MYEF2: variants seen among roughly 807,000 people sequenced by gnomAD.
MYEF2 encodes myelin expression factor 2.
In MYEF2, 37 loss-of-function variants were observed where a neutral mutation model predicts 75.2. That is an observed-to-expected ratio of 0.49 (90% CI 0.38 to 0.65). The LOEUF is 0.65. Ranked by LOEUF, MYEF2 falls within the 30% of genes least tolerant of loss-of-function variation. The pLI is 0.00. For missense variants in MYEF2, 634 were observed against 771.4 expected (o/e 0.82, Z 2.11); for synonymous variants, 195 against 241.6 (o/e 0.81, Z 1.79).
intron 1 of MYEF2, chr15:48,169,708 T>C (rs1259933927): frequency 6.6e-6 from 1 of 151,830 alleles, no homozygotes; most frequent in Non-Finnish European, 1.5e-5. Flanking sequence ...AGCAATTCTC[T>C]GCCTTAGCCT....
chr15:48,160,158 C>T (rs1237526539), intron 5 of MYEF2, among the ~76,000 whole-genome samples: 2 of 152,102 alleles, frequency 1.3e-5, no homozygotes, highest in Non-Finnish European at 2.9e-5. Flanking sequence ...TAGGAATGGT[C>T]ATTTCTCACT....
rs751753818 is a variant in MYEF2, at chr15:48,178,104, T to TGCTGCG, written c.128_133dup (p.Pro43_Gln44dup). The TGCTGCG allele has an allele frequency of 1.3e-6, 2 of 1,597,106 alleles. No individual in the cohort carries two copies. Among genetic ancestry groups the TGCTGCG allele is most frequent in the East Asian group, 4.6e-5 (2 of 43,794 alleles). On this transcript the variant is annotated inframe_insertion, in exon 1 of 17. Transcript: ENST00000324324. ...TTTAACGCCATTGGAGCTGCTGCTG[T>TGCTGCG]GCTGCGGCTGCTGCTTCTCCGCCTC...
In MYEF2 at chr15:48,141,010, G is replaced by A; in HGVS notation, c.*1898C>T. 4.6e-6 allele frequency: 4 copies of A among 865,092 alleles called. No homozygotes were observed. Among genetic ancestry groups the A allele is most frequent in the South Asian group, 3.2e-5 (2 of 62,040 alleles). 53.6% of individuals were successfully genotyped at this position (865,092 alleles called of 1,614,324 possible). ...CACATATTGGCTCTGAATTCTAAATGTGCCTATTTTATTTTTGTTCACGAA... is the reference window on the plus strand; with the variant it reads ...CACATATTGGCTCTGAATTCTAAATATGCCTATTTTATTTTTGTTCACGAA... On this transcript the variant is annotated 3_prime_UTR_variant, in exon 17 of 17. Coordinates refer to ENST00000324324, the MANE Select transcript of MYEF2 (RefSeq NM_016132.5).
chr15:48,138,836 G>T lies in MYEF2; in HGVS notation c.*4072C>A. On this transcript the variant is annotated 3_prime_UTR_variant, in exon 17 of 17. Coordinates refer to ENST00000324324, the MANE Select transcript of MYEF2 (RefSeq NM_016132.5). ...TTTCACCAGCAATATCAGTAATGAG[G>T]TACTCAAATGTTTTAAACAGCCTTT... 1.6e-6 allele frequency: 1 copy of T among 644,254 alleles called. No individual in the cohort carries two copies. The highest frequency in any genetic ancestry group is 2.7e-5 in the East Asian group (1 of 36,518). The allele number at this position is 644,254 out of a possible 1,614,324, so 39.9% of individuals were successfully genotyped here. A position where few individuals can be genotyped will look rare whatever the true frequency, so the allele number is the denominator to read the frequency against.
chr15:48,177,800 A>C (rs2140957783), intron 1 of MYEF2, among the ~76,000 whole-genome samples: 1 of 152,294 alleles, frequency 6.6e-6, no homozygotes, highest in Non-Finnish European at 1.5e-5. Flanking sequence ...AAGTCAGGGA[A>C]GAGGGGTGTT....
At chr15:48,160,921 TAATA>T (rs1210147099) in intron 5 of MYEF2, among the ~76,000 whole-genome samples, 1 of 151,996 alleles carries the variant, frequency 6.6e-6, no homozygotes, top group Non-Finnish European at 1.5e-5. Flanking sequence ...ACATATAAGT[TAATA>T]AATAAATTCT....
chr15:48,142,370 G>A lies in MYEF2; in HGVS notation c.*538C>T, dbSNP rs1333507841. 6.8e-7 allele frequency: 1 copy of A among 1,475,892 alleles called. No individual in the cohort carries two copies. The highest frequency in any genetic ancestry group is 2.1e-5 in the Admixed American group (1 of 47,894). The allele number at this position is 1,475,892 out of a possible 1,614,324, so 91.4% of individuals were successfully genotyped here. A position where few individuals can be genotyped will look rare whatever the true frequency, so the allele number is the denominator to read the frequency against. On this transcript the variant is annotated 3_prime_UTR_variant, in exon 17 of 17. Transcript: ENST00000324324. The stretch of plus-strand genomic sequence containing the variant: ...AGGTTGATATTATTAATAGTGTTAT[G>A]CAGAAAATATGAATGGCAGGGAGGG...
intron 16 of MYEF2, among the ~76,000 whole-genome samples, chr15:48,147,933 C>T (rs1271945715): frequency 6.6e-6 from 1 of 151,918 alleles, no homozygotes; most frequent in Non-Finnish European, 1.5e-5. Flanking sequence ...AAACTCTTAC[C>T]ATATGTACAG....
chr15:48,156,559 G>A (rs952849484), intron 9 of MYEF2, among the ~76,000 whole-genome samples: 2 of 149,642 alleles, frequency 1.3e-5, no homozygotes, highest in Non-Finnish European at 3.0e-5. Flanking sequence ...AAACTTCCCA[G>A]AAACAACAGA....
At chr15:48,145,486 C>T (rs1164739973) in intron 16 of MYEF2, among the ~76,000 whole-genome samples, 1 of 151,736 alleles carries the variant, frequency 6.6e-6, no homozygotes, top group Non-Finnish European at 1.5e-5. Context: ...GGCAACAGCA[C>T]AGGACAAAAT....
intron 1 of MYEF2, among the ~76,000 whole-genome samples, chr15:48,175,252 A>C (rs745450622): frequency 6.6e-6 from 1 of 152,144 alleles, no homozygotes; most frequent in Non-Finnish European, 1.5e-5. Flanking sequence ...ACTTACACAC[A>C]GACTTTTAAA....
rs1255241713 is a variant in MYEF2 at position 48,136,833 on chromosome 15, GA to G, written c.*6074del. ...TGGAGAGAAGTGAACAACAGCCACTGATGGGCTGGGAAGATGAAGGTCAACC... is the reference window on the plus strand; with the variant it reads ...TGGAGAGAAGTGAACAACAGCCACTGTGGGCTGGGAAGATGAAGGTCAACC... On this transcript the variant is annotated 3_prime_UTR_variant, in exon 17 of 17. Transcript: ENST00000324324. 1 of 1,613,724 alleles carries G rather than the reference GA, an allele frequency of 6.2e-7. No individual in the cohort carries two copies. Among genetic ancestry groups the G allele is most frequent in the African/African-American group, 1.3e-5 (1 of 74,908 alleles).
At position 48,137,029 on chromosome 15, in the gene MYEF2, A is replaced by G. The variant is rs2038918827; in HGVS notation, c.*5879T>C. On this transcript the variant is annotated 3_prime_UTR_variant, in exon 17 of 17. Coordinates refer to ENST00000324324, the MANE Select transcript of MYEF2 (RefSeq NM_016132.5). ...AGGAAAAACTTTAAAATTTCATTTCAATTCAGCAAGTATTGTGTGCTTTTT... is the reference window on the plus strand; with the variant it reads ...AGGAAAAACTTTAAAATTTCATTTCGATTCAGCAAGTATTGTGTGCTTTTT... 6.7e-7 allele frequency: 1 copy of G among 1,487,948 alleles called. No homozygotes were observed. The highest frequency in any genetic ancestry group is 9.0e-7 in the Non-Finnish European group (1 of 1,107,286). 92.2% of individuals were successfully genotyped at this position (1,487,948 alleles called of 1,614,324 possible). A position where few individuals can be genotyped will look rare whatever the true frequency, so the allele number is the denominator to read the frequency against.
rs1397757625 is a variant in MYEF2 at position 48,151,168 on chromosome 15, C to T, written c.1310G>A (p.Ser437Asn). The T allele has an allele frequency of 1.9e-6, 3 of 1,608,494 alleles. No individual in the cohort carries two copies. Among genetic ancestry groups the T allele is most frequent in the Non-Finnish European group, 1.7e-6 (2 of 1,176,538 alleles). The change falls in exon 14 of 17, where the codon AGT becomes AAT. Residue 437 changes from serine to asparagine, a missense_variant. Transcript: ENST00000324324. ...TCCTGCAAACCCTCCAATCATTGCA[C>T]TGCCTAAACAAGGATGGAAAGATAA... ...GFGDSFGRLG[S>N]AMIGGFAGRI...
At position 48,160,486 on chromosome 15, in the gene MYEF2, T is replaced by TACATACACACACACACAC. The variant is rs200591805; in HGVS notation, c.526-683_526-682insGTGTGTGTGTGTGTATGT. 1.7e-3 allele frequency among the ~76,000 whole-genome samples: 243 copies of TACATACACACACACACAC among 139,308 alleles called. 5 individuals carry two copies. In the South Asian group the frequency reaches 0.026, roughly 15 times the overall value. 91.4% of individuals were successfully genotyped at this position (139,308 alleles called of 152,430 possible). ...CCCTACCTTTAAACAAAACCAAACA[T>TACATACACACACACACAC]ACACACACACACACACACACACACA... On this transcript the variant is annotated intron_variant, in intron 5 of 16. Transcript: ENST00000324324.
intron 1 of MYEF2, among the ~76,000 whole-genome samples, chr15:48,171,430 C>T (rs2040337386): frequency 6.6e-6 from 1 of 151,954 alleles, no homozygotes; most frequent in African/African-American, 2.4e-5. Context: ...TCTGAAAATT[C>T]CATTAAAAAC....
intron 1 of MYEF2, among the ~76,000 whole-genome samples, chr15:48,170,703 T>C (rs1461565483): frequency 2.0e-5 from 3 of 152,184 alleles, no homozygotes; most frequent in Admixed American, 1.3e-4. Context: ...TTACATAATA[T>C]ATACAGAGCT....
intron 9 of MYEF2, among the ~76,000 whole-genome samples, chr15:48,154,575 G>A (rs1171902139): frequency 6.6e-6 from 1 of 152,112 alleles, no homozygotes; most frequent in Non-Finnish European, 1.5e-5. Context: ...ACAAATAGCT[G>A]ACTTAATAGC....
At chr15:48,150,152 A>G (rs2039438246) in intron 14 of MYEF2, among the ~76,000 whole-genome samples, 2 of 151,954 alleles carry the variant, frequency 1.3e-5, no homozygotes, top group African/African-American at 4.8e-5. Flanking sequence ...TAATATCCCC[A>G]AACATGGAAA....
Sources: allele counts gnomAD v4.1 joint callset (sites outside exome capture counted in the v4.1 genomes callset), GRCh38; gene constraint gnomAD v4.1.1; transcripts MANE v1.5; gene names NCBI Gene and HGNC (gene_info 2026-07-23, HGNC 2026-07-21).